Variants in PEMT observed in about 807,000 individuals in gnomAD.
PEMT encodes phospholipid methyltransferase.
PEMT carries 23 observed loss-of-function variants against 27.4 expected under a neutral mutation model. That is an observed-to-expected ratio of 0.84 (90% CI 0.60 to 1.19). The LOEUF is 1.19. Ranked by LOEUF, PEMT falls within the 50% of genes most tolerant of loss-of-function variation. PEMT has a pLI of 0.00. For missense variants in PEMT, 307 were observed against 310.1 expected (o/e 0.99, Z 0.07); for synonymous variants, 137 against 139.1 (o/e 0.98, Z 0.11).
At chr17:17,538,715 C>G (rs1434167158) in intron 2 of PEMT, among the ~76,000 whole-genome samples, 1 of 152,198 alleles carries the variant, frequency 6.6e-6, no homozygotes, top group Non-Finnish European at 1.5e-5. Flanking sequence ...TTACATAAAA[C>G]AAACCCACCT....
intron 3 of PEMT, among the ~76,000 whole-genome samples, chr17:17,517,357 T>C (rs949845812): frequency 6.6e-6 from 1 of 152,248 alleles, no homozygotes; most frequent in African/African-American, 2.4e-5. Flanking sequence ...TTCTGGCCTG[T>C]TCTGCCAAGA....
chr17:17,509,285 AAGGG>A, intron 5 of PEMT, 145 bp downstream of exon 5: 1 of 600,762 alleles, frequency 1.7e-6, no homozygotes, highest in Non-Finnish European at 3.0e-6. Context: ...GCTTCTGAGA[AAGGG>A]AGAACCAGGG....
intron 2 of PEMT, among the ~76,000 whole-genome samples, chr17:17,524,429 C>G (rs539225630): frequency 6.6e-6 from 1 of 152,084 alleles, no homozygotes; most frequent in Non-Finnish European, 1.5e-5. Flanking sequence ...CACATCCTCC[C>G]CAACACCAGT....
chr17:17,582,356 G>C lies in PEMT; in HGVS notation c.97-5329C>G, dbSNP rs934623469. 4.1e-6 allele frequency: 4 copies of C among 985,324 alleles called. No individual in the cohort carries two copies. In the African/African-American group the frequency reaches 7.0e-5, roughly 17 times the overall value. 61.0% of individuals were successfully genotyped at this position (985,324 alleles called of 1,614,324 possible). ...CTCAGCTGTTAACACCCCAAAGCAT[G>C]GGTAAGGAAGAGGCTTTATGGTAAT... is the stretch of plus-strand genomic sequence containing the variant. On this transcript the variant is annotated intron_variant, in intron 1 of 6. Transcript: ENST00000255389. This position sits in a 1 kb window ranked among gnomAD's most constrained non-coding sequence, Gnocchi z 4.9.
rs1040262325 is a variant in PEMT, at chr17:17,523,500, C to T, written c.205-1105G>A. 7.9e-5 allele frequency among the ~76,000 whole-genome samples: 12 copies of T among 152,190 alleles called. No homozygotes were observed. The highest frequency in any genetic ancestry group is 4.6e-4 in the Admixed American group (7 of 15,300). ...TGGCAGGCTAGGGGGCAGCAGATGG[C>T]GGGGGGCAGGGTATGCCAAAGTTTA... On this transcript the variant is annotated intron_variant, in intron 2 of 6. Transcript: ENST00000255389. The surrounding 1 kb of genome is among the most constrained non-coding windows in gnomAD (Gnocchi z 4.8).
chr17:17,538,360 G>A (rs1908638898), intron 2 of PEMT, among the ~76,000 whole-genome samples: 1 of 152,162 alleles, frequency 6.6e-6, no homozygotes, highest in African/African-American at 2.4e-5. Context: ...ATTTGCCTCA[G>A]GCTGGGCAAC....
chr17:17,562,189 G>A (rs1002320485), intron 2 of PEMT, among the ~76,000 whole-genome samples: 10 of 152,242 alleles, frequency 6.6e-5, no homozygotes, highest in African/African-American at 1.9e-4. Context: ...ACACGGCCGA[G>A]GCCCTGACAA....
chr17:17,508,204 G>A (rs904825645), intron 5 of PEMT: 1 of 152,958 alleles, frequency 6.5e-6, no homozygotes, highest in Non-Finnish European at 1.5e-5. Flanking sequence ...GGACGACCTG[G>A]GTGGGGGGGA....
chr17:17,579,400 G>A (rs918833738), intron 1 of PEMT, among the ~76,000 whole-genome samples: 7 of 152,202 alleles, frequency 4.6e-5, no homozygotes, highest in Non-Finnish European at 8.8e-5. Flanking sequence ...GCTCTAGGCC[G>A]GGCGTGGTGG....
chr17:17,586,881 T>C (rs1321295082), intron 1 of PEMT, among the ~76,000 whole-genome samples: 1 of 152,056 alleles, frequency 6.6e-6, no homozygotes, highest in Non-Finnish European at 1.5e-5. Flanking sequence ...AGGGCGCCTG[T>C]AATCCTAGCT....
At chr17:17,540,571 C>T (rs999237326) in intron 2 of PEMT, among the ~76,000 whole-genome samples, 9 of 152,184 alleles carry the variant, frequency 5.9e-5, no homozygotes, top group African/African-American at 1.2e-4. Context: ...CCAGAACCCG[C>T]GTCTACTTGA....
Position 17,506,099 on chromosome 17 carries a change from G to T in PEMT, c.653+128C>A. ...AGCTACCATGGCCGCTCTGACCTGGGAGCCCTGGAGTGGGCCTGGCTGACG... is the reference window on the plus strand; with the variant it reads ...AGCTACCATGGCCGCTCTGACCTGGTAGCCCTGGAGTGGGCCTGGCTGACG... On this transcript the variant is annotated intron_variant, in intron 6 of 6. Transcript: ENST00000255389. 3 of 993,840 alleles carry T rather than the reference G, an allele frequency of 3.0e-6. No individual in the cohort carries two copies. The South Asian group carries it at 5.0e-5, about 17-fold the overall frequency. The allele number at this position is 993,840 out of a possible 1,614,324, so 61.6% of individuals were successfully genotyped here. A position where few individuals can be genotyped will look rare whatever the true frequency, so the allele number is the denominator to read the frequency against.
chr17:17,513,270 C>A lies in PEMT; in HGVS notation c.321-616G>T, dbSNP rs1906557164. On this transcript the variant is annotated intron_variant, in intron 3 of 6. Transcript: ENST00000255389. This position sits in a 1 kb window ranked among gnomAD's most constrained non-coding sequence, Gnocchi z 4.1. The stretch of plus-strand genomic sequence containing the variant: ...CACACCTGAATTCCCCCACTAGGCT[C>A]CCTTTGGGGCCAAACCACTGAAGGC... 6.6e-6 allele frequency among the ~76,000 whole-genome samples: 1 copy of A among 152,220 alleles called. No individual in the cohort carries two copies. The highest frequency in any genetic ancestry group is 6.5e-5 in the Admixed American group (1 of 15,284).
intron 1 of PEMT, 79 bp downstream of exon 1, chr17:17,591,452 A>G: frequency 9.5e-7 from 1 of 1,052,866 alleles, no homozygotes; most frequent in Non-Finnish European, 1.3e-6. Context: ...GCAGCGTTTG[A>G]GGCGCCGCAA....
intron 2 of PEMT, among the ~76,000 whole-genome samples, chr17:17,532,878 T>C (rs1308786895): frequency 6.6e-6 from 1 of 152,050 alleles, no homozygotes; most frequent in African/African-American, 2.4e-5. Context: ...AATACAAAAA[T>C]TAGCTGGGAG....
At chr17:17,507,437 C>A (rs1905967027) in intron 5 of PEMT, 9 of 569,540 alleles carry the variant, frequency 1.6e-5, no homozygotes, top group Admixed American at 3.0e-5. Flanking sequence ...CTCTGCCCTG[C>A]CCACTGCCTT....
At chr17:17,579,397 G>A (rs1911841561) in intron 1 of PEMT, among the ~76,000 whole-genome samples, 1 of 152,230 alleles carries the variant, frequency 6.6e-6, no homozygotes, top group African/African-American at 2.4e-5. Context: ...AATGCTCTAG[G>A]CCGGGCGTGG....
rs192568826 is a variant in PEMT at position 17,579,248 on chromosome 17, C to T, written c.97-2221G>A. On this transcript the variant is annotated intron_variant, in intron 1 of 6. Transcript: ENST00000255389. Reference sequence around the variant, plus strand: ...GTGTGACCATGGGATGTCCCTCAGACGTCTATCAGTATAAAGCCATCTTCT... The same window carrying T: ...GTGTGACCATGGGATGTCCCTCAGATGTCTATCAGTATAAAGCCATCTTCT... Among the ~76,000 whole-genome samples the T allele has an allele frequency of 1.4e-4, 21 of 152,328 alleles. No individual in the cohort carries two copies. The East Asian group carries it at 3.5e-3, about 25-fold the overall frequency.
At chr17:17,550,183 C>A (rs3803760) in intron 2 of PEMT, among the ~76,000 whole-genome samples, 1 of 152,192 alleles carries the variant, frequency 6.6e-6, no homozygotes, top group African/African-American at 2.4e-5. Flanking sequence ...CCCTCTGGAA[C>A]GTGTCCCGTG....
Sources: gnomAD v4.1 joint callset for allele counts (sites outside exome capture counted in the v4.1 genomes callset) on GRCh38, gnomAD v4.1.1 for gene constraint, Gnocchi (gnomAD v3.1) non-coding constraint, MANE v1.5 for transcripts, NCBI Gene and HGNC (gene_info 2026-07-23, HGNC 2026-07-21) for gene names.